SLC28A1: variants seen among roughly 807,000 people sequenced by gnomAD.
SLC28A1 encodes the protein sodium/nucleoside cotransporter 1.
A neutral mutation model predicts 74.8 loss-of-function variants in SLC28A1; 64 were observed. That is an observed-to-expected ratio of 0.86 (90% CI 0.70 to 1.05). SLC28A1 has a LOEUF of 1.05. Among genes scored for constraint, SLC28A1 ranks in the 50% least tolerant of loss-of-function variants. The pLI, the probability that SLC28A1 is intolerant of heterozygous loss-of-function variation, is 0.00. For missense variants in SLC28A1, 828 were observed against 822.8 expected, an observed-to-expected ratio of 1.01 and a Z score of -0.08; for synonymous variants, 359 against 335.0, an observed-to-expected ratio of 1.07 and a Z score of -0.78.
the SLC28A1 span, among the ~76,000 whole-genome samples, chr15:84,964,270 GGGAAGGAAGGAT>G: frequency 2.0e-4 from 30 of 152,086 alleles, no homozygotes; most frequent in African/African-American, 7.2e-4. Flanking sequence ...ATAAGGGCAT[GGGAAGGAAGGAT>G]GGAAGGAAGG....
downstream of SLC28A1, among the ~76,000 whole-genome samples, chr15:84,946,113 T>TATATATATATATA (rs1555458478): frequency 5.8e-4 from 9 of 15,482 alleles, no homozygotes; most frequent in Non-Finnish European, 8.7e-4. Flanking sequence ...TATATATATA[T>TATATATATATATA]TTTTTTTTTT....
At position 84,945,233 on chromosome 15, in the gene SLC28A1, A is replaced by G. The variant is rs2079162016; in HGVS notation, c.*33A>G. 1 of 1,597,782 alleles carries G rather than the reference A, an allele frequency of 6.3e-7. No homozygotes were observed. Among genetic ancestry groups the G allele is most frequent in the African/African-American group, 1.3e-5 (1 of 74,620 alleles). On this transcript the variant is annotated 3_prime_UTR_variant, in exon 19 of 19. Transcript: ENST00000394573. ...ACATGCTTGTGCTTCTGCGCTTCTG[A>G]GGGCTGTTCTCCCCCGGGAACCATC... is the stretch of plus-strand genomic sequence containing the variant.
At chr15:84,928,519 G>T (rs558270918) in intron 12 of SLC28A1, among the ~76,000 whole-genome samples, 6,241 of 42,412 alleles carry the variant, frequency 0.15, 332 homozygotes, top group African/African-American at 0.22. Context: ...AAGCTCCCAG[G>T]TTCGTTCGTT....
Position 84,935,088 on chromosome 15 carries a change from C to G in SLC28A1, c.1277C>G (p.Ala426Gly), listed in dbSNP as rs1208467696. The change falls in exon 14 of 19, where the codon GCC (alanine) becomes GGC (glycine). Residue 426 changes from alanine (A) to glycine (G), a missense_variant. By Grantham distance (60) the Ala-to-Gly change is moderately conservative. This residue lies in a region of SLC28A1 where 767 missense variants were observed against 753.5 expected (regional missense o/e 1.02). Transcript: ENST00000394573. ...TGAAISVKVV[A>G]NIAANLIAFL... is the part of the protein sequence containing the mutation. ...GCCGCCATCTCCGTGAAGGTGGTCG[C>G]CAACATCGCTGCCAACCTGATTGCG... 2 of 1,614,084 alleles carry G rather than the reference C, an allele frequency of 1.2e-6. No individual in the cohort carries two copies. Among genetic ancestry groups the G allele is most frequent in the Non-Finnish European group, 8.5e-7 (1 of 1,179,924 alleles).
At chr15:84,900,473 G>A (rs1252395813) in intron 6 of SLC28A1, among the ~76,000 whole-genome samples, 2 of 150,750 alleles carry the variant, frequency 1.3e-5, no homozygotes, top group East Asian at 3.9e-4. Context: ...CGAAGAGAAG[G>A]AAAATGCTAC....
At chr15:84,911,847 A>G (rs1325318496) in intron 9 of SLC28A1, among the ~76,000 whole-genome samples, 1 of 119,690 alleles carries the variant, frequency 8.4e-6, no homozygotes, top group Non-Finnish European at 1.7e-5. Flanking sequence ...CAACAGAGTG[A>G]GACTCCATCT....
At chr15:84,950,526 A>G (rs1207867232), downstream of SLC28A1, among the ~76,000 whole-genome samples, 1 of 152,038 alleles carries the variant, frequency 6.6e-6, no homozygotes, top group African/African-American at 2.4e-5. Flanking sequence ...TGTGCAACAT[A>G]GTGAGACCCT....
chr15:84,935,384 C>A lies in SLC28A1; in HGVS notation c.1447C>A (p.Pro483Thr), dbSNP rs1268714663. Residue 483 changes from proline (P) to threonine (T), a missense_variant, in exon 15 of 19, where the codon CCA (proline) becomes ACA (threonine). Coordinates refer to ENST00000394573, the MANE Select transcript of SLC28A1 (RefSeq NM_004213.5). ...GATGGGTGTGGCGTGGGAGGACTGC[C>A]CAGTGGTAGCTGAGCTGCTGGGGAT... is the stretch of plus-strand genomic sequence containing the variant. ...FLMGVAWEDC[P>T]VVAELLGIKL... The A allele has an allele frequency of 1.2e-6, 2 of 1,614,186 alleles. No individual in the cohort carries two copies.
intron 6 of SLC28A1, among the ~76,000 whole-genome samples, chr15:84,902,731 G>GTTT (rs200395938): frequency 5.7e-5 from 8 of 140,006 alleles, no homozygotes; most frequent in Admixed American, 7.1e-5. Flanking sequence ...AAGCATTTAA[G>GTTT]TTTTTTTTTT....
In SLC28A1 at chr15:84,935,529, C is replaced by T. The variant is rs1340805332; in HGVS notation, c.1581+11C>T. On this transcript the variant is annotated intron_variant, in intron 15 of 18. Coordinates refer to ENST00000394573, the MANE Select transcript of SLC28A1 (RefSeq NM_004213.5). Reference sequence around the variant, plus strand: ...AAGCAGTGGATCTCCGTGAGTGTCCCAGTCCCTTCCCTGCAGCAGGGGGAT... The same window carrying T: ...AAGCAGTGGATCTCCGTGAGTGTCCTAGTCCCTTCCCTGCAGCAGGGGGAT... 2 of 1,609,278 alleles carry T rather than the reference C, an allele frequency of 1.2e-6. No homozygotes were observed. Among genetic ancestry groups the T allele is most frequent in the Admixed American group, 1.7e-5 (1 of 60,028 alleles).
At chr15:84,933,045 G>A in intron 12 of SLC28A1, 100 bp from the exon 13 acceptor site, 1 of 1,157,186 alleles carries the variant, frequency 8.6e-7, no homozygotes, top group Non-Finnish European at 1.3e-6. Context: ...ATATCAGTGG[G>A]ACAGACTACA....
intron 8 of SLC28A1, 59 bp from the exon 9 acceptor site, chr15:84,908,659 T>C (rs1967659221): frequency 6.9e-7 from 1 of 1,444,442 alleles, no homozygotes; most frequent in East Asian, 2.3e-5. Context: ...CGCTGCTTCC[T>C]CCCTCCTCCC....
downstream of SLC28A1, among the ~76,000 whole-genome samples, chr15:84,949,493 C>T (rs897435759): frequency 2.0e-5 from 3 of 151,900 alleles, no homozygotes; most frequent in Non-Finnish European, 4.4e-5. Flanking sequence ...TCAAGGGGTC[C>T]TCCCACCTCA....
At chr15:84,922,682 G>A (rs564676385) in intron 11 of SLC28A1, among the ~76,000 whole-genome samples, 30 of 152,218 alleles carry the variant, frequency 2.0e-4, no homozygotes, top group South Asian at 6.2e-4. Flanking sequence ...GCCCCTCACC[G>A]TGGCTTCCTA....
chr15:84,940,124 G>A (rs74923527), intron 15 of SLC28A1, among the ~76,000 whole-genome samples: 1 of 152,104 alleles, frequency 6.6e-6, no homozygotes, highest in East Asian at 1.9e-4. Context: ...CACCACGCCC[G>A]GCTCCAGTGG....
chr15:84,911,736 G>T (rs904843460), intron 9 of SLC28A1, among the ~76,000 whole-genome samples: 11 of 151,794 alleles, frequency 7.2e-5, no homozygotes, highest in African/African-American at 2.7e-4. Flanking sequence ...GCGGGCGCTT[G>T]TAATTCCAGC....
intron 12 of SLC28A1, chr15:84,926,461 C>T (rs1184190938): frequency 4.7e-6 from 2 of 429,762 alleles, no homozygotes; most frequent in Non-Finnish European, 9.3e-6. Context: ...CCTTGGCCTC[C>T]CAAAATATTA....
intron 9 of SLC28A1, among the ~76,000 whole-genome samples, chr15:84,912,723 G>A (rs1046094355): frequency 1.3e-5 from 2 of 151,766 alleles, no homozygotes; most frequent in Non-Finnish European, 2.9e-5. Flanking sequence ...CAAGGAAAAT[G>A]TCTTCATCTC....
intron 15 of SLC28A1, chr15:84,938,588 A>G (rs1972245756): frequency 1.3e-5 from 2 of 152,172 alleles, no homozygotes; most frequent in African/African-American, 4.8e-5. Context: ...TTTAGGTGCC[A>G]GGCATTCTGC....
Sources: allele counts gnomAD v4.1 joint callset (sites outside exome capture counted in the v4.1 genomes callset), GRCh38; gene constraint gnomAD v4.1.1; regional missense constraint gnomAD v4.1.1; transcripts MANE v1.5; gene names NCBI Gene and HGNC (gene_info 2026-07-23, HGNC 2026-07-21).